Variants in NUGGC observed in about 807,000 individuals in gnomAD.
The protein encoded by NUGGC is nuclear GTPase, germinal center associated.
Under a neutral mutation model 92.6 loss-of-function variants are expected in NUGGC, and 58 were observed. The observed-to-expected ratio is 0.63, with a 90% CI of 0.51 to 0.78. The LOEUF (loss-of-function observed/expected upper bound fraction) is 0.78. Among genes scored for constraint, NUGGC ranks in the 30% least tolerant of loss-of-function variants. The pLI, the probability that NUGGC is intolerant of heterozygous loss-of-function variation, is 0.00. For missense variants in NUGGC, 925 were observed against 964.6 expected (o/e 0.96, Z 0.54); for synonymous variants, 376 against 366.4 (o/e 1.03, Z -0.30).
intron 1 of NUGGC, among the ~76,000 whole-genome samples, chr8:28,076,139 C>T (rs1585606106): frequency 1.3e-5 from 2 of 152,284 alleles, no homozygotes; most frequent in African/African-American, 4.8e-5. Context: ...TTGAACCACT[C>T]GAGGTCAGAG....
At position 28,031,081 on chromosome 8, in the gene NUGGC, C is replaced by T. The variant is rs114856066; in HGVS notation, c.1908+162G>A. ...AAGGCAGTCAGGCCCACTGCCGTCC[C>T]CACATCCCACTGGGTTCTGTATTTC... is the stretch of plus-strand genomic sequence containing the variant. On this transcript the variant is annotated intron_variant, in intron 15 of 18. Transcript: ENST00000413272. 7.2e-3 allele frequency among the ~76,000 whole-genome samples: 1,102 copies of T among 152,290 alleles called. 13 individuals carry two copies. Among genetic ancestry groups the T allele is most frequent in the African/African-American group, 0.025 (1,031 of 41,566 alleles).
chr8:28,055,421 A>C (rs59728411), intron 10 of NUGGC, among the ~76,000 whole-genome samples: 1 of 152,088 alleles, frequency 6.6e-6, no homozygotes, highest in African/African-American at 2.4e-5. Context: ...ACCTGGGCCT[A>C]CTCCTCTGTG....
chr8:28,042,951 T>C (rs1179641915), intron 12 of NUGGC, among the ~76,000 whole-genome samples: 1 of 152,246 alleles, frequency 6.6e-6, no homozygotes, highest in African/African-American at 2.4e-5. Context: ...TCTAAAATGC[T>C]GTGAATCTTG....
intron 7 of NUGGC, among the ~76,000 whole-genome samples, chr8:28,063,274 G>T (rs1392309608): frequency 6.6e-6 from 1 of 152,192 alleles, no homozygotes; most frequent in Non-Finnish European, 1.5e-5. Flanking sequence ...GCTTCAGCCT[G>T]ACCTCCTCAG....
chr8:28,061,340 C>T (rs1243873365), intron 7 of NUGGC, among the ~76,000 whole-genome samples: 1 of 152,190 alleles, frequency 6.6e-6, no homozygotes, highest in Non-Finnish European at 1.5e-5. Flanking sequence ...AAATATGCAA[C>T]TTTCACATGA....
chr8:28,032,562 C>CA (rs1167569790), intron 14 of NUGGC, among the ~76,000 whole-genome samples: 2 of 151,600 alleles, frequency 1.3e-5, no homozygotes, highest in Non-Finnish European at 2.9e-5. Context: ...CTAAAAAATA[C>CA]AAAAAATTAG....
intron 13 of NUGGC, among the ~76,000 whole-genome samples, chr8:28,039,969 A>T (rs1809651448): frequency 6.6e-6 from 1 of 152,180 alleles, no homozygotes; most frequent in Non-Finnish European, 1.5e-5. Context: ...TTCTGGGAAG[A>T]GAAAGAGATC....
chr8:28,042,183 T>A (rs1173221224), intron 12 of NUGGC, among the ~76,000 whole-genome samples: 1 of 152,202 alleles, frequency 6.6e-6, no homozygotes, highest in East Asian at 1.9e-4. Flanking sequence ...ATTTTCTCTA[T>A]AAATTACCCA....
intron 10 of NUGGC, among the ~76,000 whole-genome samples, chr8:28,054,337 C>A (rs1191155664): frequency 1.3e-5 from 2 of 151,990 alleles, no homozygotes; most frequent in East Asian, 3.9e-4. Context: ...CAAAAATTAG[C>A]TGGGCATAGT....
chr8:28,039,597 G>T (rs1809641848), intron 13 of NUGGC, among the ~76,000 whole-genome samples: 1 of 152,116 alleles, frequency 6.6e-6, no homozygotes, highest in African/African-American at 2.4e-5. Flanking sequence ...AAGAGGCCAG[G>T]TGCTAGAAAG....
At position 28,069,606 on chromosome 8, in the gene NUGGC, A is replaced by G. The variant is rs749984534; in HGVS notation, c.195T>C (p.Tyr65=). 9.3e-6 allele frequency: 15 copies of G among 1,612,526 alleles called. No homozygotes were observed. In the East Asian group the frequency reaches 2.5e-4, roughly 26 times the overall value. Residue 65 remains tyrosine (Y), a synonymous_variant, in exon 4 of 19, where the codon TAT becomes TAC. Coordinates refer to ENST00000413272, the MANE Select transcript of NUGGC (RefSeq NM_001010906.2). ...SRTRRVLSNT[Y]QKLIQSVFLD... ...GGAAGACAGACTGAATAAGTTTCTG[A>G]TAAGTGTTGCTCAAAACCCTTCTGG...
At chr8:28,052,451 TGGG>T (rs1810030798) in intron 10 of NUGGC, among the ~76,000 whole-genome samples, 1 of 151,900 alleles carries the variant, frequency 6.6e-6, no homozygotes, top group South Asian at 2.1e-4. Flanking sequence ...TGGAGTAGGG[TGGG>T]CCCCTAATCC....
At chr8:28,069,934 C>T (rs1363288303) in intron 3 of NUGGC, among the ~76,000 whole-genome samples, 4 of 152,152 alleles carry the variant, frequency 2.6e-5, no homozygotes, top group African/African-American at 9.7e-5. Flanking sequence ...TAGATTTTTC[C>T]CTCCTGTGGT....
intron 13 of NUGGC, among the ~76,000 whole-genome samples, 159 bp downstream of exon 13, chr8:28,040,892 A>C (rs1585564804): frequency 6.6e-6 from 1 of 152,062 alleles, no homozygotes; most frequent in African/African-American, 2.4e-5. Context: ...TGATCCGCCC[A>C]CCTCGGCCTC....
intron 12 of NUGGC, among the ~76,000 whole-genome samples, chr8:28,044,205 C>A (rs934081875): frequency 2.6e-5 from 4 of 152,156 alleles, no homozygotes; most frequent in African/African-American, 9.7e-5. Context: ...CTCACAAAGC[C>A]CTATTCATGT....
chr8:28,081,682 T>A (rs137972234), intron 1 of NUGGC, among the ~76,000 whole-genome samples: 3,923 of 152,120 alleles, frequency 0.026, 180 homozygotes, highest in African/African-American at 0.09. Flanking sequence ...TTTGAGACCA[T>A]CCTGGCTAAC....
chr8:28,026,730 T>C (rs1809270757), intron 18 of NUGGC, among the ~76,000 whole-genome samples: 1 of 152,050 alleles, frequency 6.6e-6, no homozygotes, highest in South Asian at 2.1e-4. Flanking sequence ...TTGCTGTCAG[T>C]TGGGTGCTGG....
intron 1 of NUGGC, among the ~76,000 whole-genome samples, chr8:28,078,842 G>A (rs1451313107): frequency 6.6e-6 from 1 of 152,160 alleles, no homozygotes; most frequent in Admixed American, 6.5e-5. Context: ...AAGGAATGGT[G>A]GTGTTCATTG....
chr8:28,028,122 C>G (rs143549273), intron 17 of NUGGC, among the ~76,000 whole-genome samples: 1 of 151,020 alleles, frequency 6.6e-6, no homozygotes, highest in East Asian at 1.9e-4. Flanking sequence ...TTTTAACTTC[C>G]TATGTTTCTG....
Sources: allele counts gnomAD v4.1 joint callset (sites outside exome capture counted in the v4.1 genomes callset), GRCh38; gene constraint gnomAD v4.1.1; transcripts MANE v1.5; gene names NCBI Gene and HGNC (gene_info 2026-07-23, HGNC 2026-07-21).